The following HERC2 variants were observed in gnomAD, a reference collection of about 807,000 sequenced individuals.
HERC2 encodes the protein HECT and RLD domain containing E3 ubiquitin protein ligase 2, also known as E3 ubiquitin-protein ligase HERC2.
A neutral mutation model predicts 537.7 loss-of-function variants in HERC2; 102 were observed. The ratio of observed to expected loss-of-function variants is 0.19; its 90% CI spans 0.16 to 0.22. The LOEUF (loss-of-function observed/expected upper bound fraction) is 0.22. Ranked by LOEUF, HERC2 falls within the 10% of genes least tolerant of loss-of-function variation. HERC2 has a pLI of 1.00. For synonymous variants in HERC2, 2,224 were observed against 2,466.2 expected (o/e 0.90, Z 2.91); for missense variants, 4,236 against 6,198.2 (o/e 0.68, Z 10.63).
chr15:28,203,657 C>G (rs1302770471), intron 45 of HERC2: 1 of 151,974 alleles, frequency 6.6e-6, no homozygotes, highest in South Asian at 2.1e-4. Flanking sequence ...TAACCACAGA[C>G]GGCGCACCTT....
intron 4 of HERC2, among the ~76,000 whole-genome samples, 183 bp downstream of exon 4, chr15:28,292,705 A>T (rs1287472752): frequency 6.6e-6 from 1 of 151,952 alleles, no homozygotes; most frequent in East Asian, 1.9e-4. Flanking sequence ...ATGCCAATGA[A>T]CTCTACACAT....
chr15:28,188,430 G>A (rs1042576540), intron 55 of HERC2, among the ~76,000 whole-genome samples: 3 of 151,956 alleles, frequency 2.0e-5, no homozygotes, highest in African/African-American at 7.3e-5. Flanking sequence ...TATAGTCCCA[G>A]CTACTCGGGA....
At chr15:28,149,809 C>T (rs949673612) in intron 70 of HERC2, among the ~76,000 whole-genome samples, 40 of 151,924 alleles carry the variant, frequency 2.6e-4, no homozygotes, top group African/African-American at 8.9e-4. Flanking sequence ...AAAAAACACA[C>T]GTGACTTCTA....
chr15:28,248,525 G>A, intron 21 of HERC2, 27 bp downstream of exon 21: 1 of 1,579,838 alleles, frequency 6.3e-7, no homozygotes, highest in South Asian at 1.1e-5. Flanking sequence ...TCACATACAA[G>A]ACACTTTCAC....
In HERC2 at chr15:28,263,163, A is replaced by G; in HGVS notation, c.1877T>C (p.Val626Ala). 1 of 1,598,604 alleles carries G rather than the reference A, an allele frequency of 6.3e-7. No homozygotes were observed. The highest frequency in any genetic ancestry group is 8.6e-7 in the Non-Finnish European group (1 of 1,168,790). ...QTLAVTENGQVWSWGDGDYGK... is the reference protein window; with the variant it reads ...QTLAVTENGQAWSWGDGDYGK... ...ATAGTCACCATCTCCCCAAGACCAC[A>G]CTTGCCCTAAAAAATACAAATGCAT... Residue 626 changes from valine (V) to alanine (A), a missense_variant, in exon 15 of 93, where the codon GTG becomes GCG. Val to Ala is a moderately conservative substitution (Grantham distance 64). Around this residue, in one of 27 missense-constraint regions of HERC2, gnomAD observed 754 missense variants for 1,085.0 expected, o/e 0.69. Coordinates refer to ENST00000261609, the MANE Select transcript of HERC2 (RefSeq NM_004667.6).
Position 28,211,091 on chromosome 15 carries a change from T to C in HERC2, c.6980A>G (p.Lys2327Arg). 1 of 1,611,376 alleles carries C rather than the reference T, an allele frequency of 6.2e-7. No homozygotes were observed. Among genetic ancestry groups the C allele is most frequent in the African/African-American group, 1.3e-5 (1 of 74,930 alleles). The change falls in exon 44 of 93, where the codon AAA becomes AGA. Residue 2327 changes from lysine (K) to arginine (R), a missense_variant. Coordinates refer to ENST00000261609, the MANE Select transcript of HERC2 (RefSeq NM_004667.6). Reference sequence around the variant, plus strand: ...GTGGGAGAGCAGCGCCCGACCTGCTTTCAGGATGTATAGCTTCAACTGCTG... The same window carrying C: ...GTGGGAGAGCAGCGCCCGACCTGCTCTCAGGATGTATAGCTTCAACTGCTG... ...RCQQLKLYILKAGRALLSHQD... is the reference protein window; with the variant it reads ...RCQQLKLYILRAGRALLSHQD...
At position 28,249,593 on chromosome 15, in the gene HERC2, A is replaced by C. The variant is rs183045194; in HGVS notation, c.3051-857T>G. ...GTCAGGCTGTGGGACCAGAGTCTGCAATGCCAACCCACCAAGGTTATGATA... is the reference window on the plus strand; with the variant it reads ...GTCAGGCTGTGGGACCAGAGTCTGCCATGCCAACCCACCAAGGTTATGATA... On this transcript the variant is annotated intron_variant, in intron 20 of 92. Transcript: ENST00000261609. Among the ~76,000 whole-genome samples, 98 of 152,260 alleles carry C rather than the reference A, an allele frequency of 6.4e-4. 4 individuals are homozygous for C. In the South Asian group the frequency reaches 0.016, roughly 25 times the overall value.
intron 81 of HERC2, among the ~76,000 whole-genome samples, 189 bp from the exon 82 acceptor site, chr15:28,130,783 G>A (rs1010449166): frequency 6.6e-6 from 1 of 152,232 alleles, no homozygotes; most frequent in Admixed American, 6.5e-5. Flanking sequence ...GACCGTGACT[G>A]ACAGCACACC....
At position 28,111,126 on chromosome 15, in the gene HERC2, A is replaced by G. The variant is rs1887608262; in HGVS notation, c.*637T>C. On this transcript the variant is annotated 3_prime_UTR_variant, in exon 93 of 93. Coordinates refer to ENST00000261609, the MANE Select transcript of HERC2 (RefSeq NM_004667.6). The stretch of plus-strand genomic sequence containing the variant: ...TTATATATAGTACACTTTCCATGAT[A>G]GAAGTTATGATGCTGTTCACAGAAA... 4 of 152,496 alleles carry G rather than the reference A, an allele frequency of 2.6e-5. No homozygotes were observed. The highest frequency in any genetic ancestry group is 6.5e-5 in the Admixed American group (1 of 15,310). The allele number at this position is 152,496 out of a possible 1,614,324, so 9.4% of individuals were successfully genotyped here.
rs1890181159 is a variant in HERC2, at chr15:28,132,195, A to T, written c.12475T>A (p.Cys4159Ser). The change falls in exon 81 of 93, where the codon TGC becomes AGC. Residue 4159 changes from cysteine to serine, a missense_variant. By Grantham distance (112) the Cys-to-Ser change is moderately radical (BLOSUM62 -1). Around this residue, in one of 27 missense-constraint regions of HERC2, gnomAD observed 94 missense variants for 137.4 expected, o/e 0.68. Transcript: ENST00000261609. Reference sequence around the variant, plus strand: ...CAGACAGTGTCGTCATCTGTGAGGCAGAGGGTCTGGGCATCTCCACTGCCA... The same window carrying T: ...CAGACAGTGTCGTCATCTGTGAGGCTGAGGGTCTGGGCATCTCCACTGCCA... The part of the protein sequence containing the change: ...ACGSGDAQTL[C>S]LTDDDTVWSW... 6.2e-7 allele frequency: 1 copy of T among 1,613,968 alleles called. No individual in the cohort carries two copies. The highest frequency in any genetic ancestry group is 1.3e-5 in the African/African-American group (1 of 74,946).
At position 28,270,799 on chromosome 15, in the gene HERC2, G is replaced by A; in HGVS notation, c.1153C>T (p.Leu385Phe). 1 of 1,613,972 alleles carries A rather than the reference G, an allele frequency of 6.2e-7. No homozygotes were observed. The highest frequency in any genetic ancestry group is 8.5e-7 in the Non-Finnish European group (1 of 1,179,848). The change falls in exon 10 of 93, where the codon CTT (leucine) becomes TTT (phenylalanine). Residue 385 changes from leucine to phenylalanine, a missense_variant. Around this residue, in one of 27 missense-constraint regions of HERC2, gnomAD observed 491 missense variants for 559.3 expected, o/e 0.88. Coordinates refer to ENST00000261609, the MANE Select transcript of HERC2 (RefSeq NM_004667.6). ...GCCGTTTGTCGCAGATCAATGGCAA[G>A]CTCGTTGTCTTGTGGAAGGGTGAGG... Reference protein sequence around the residue: ...RYLTLPQDNELAIDLRQTAVV... With the variant: ...RYLTLPQDNEFAIDLRQTAVV...
At chr15:28,246,088 A>G (rs1157883415) in intron 22 of HERC2, 22 bp from the exon 23 acceptor site, 3 of 1,471,890 alleles carry the variant, frequency 2.0e-6, no homozygotes, top group African/African-American at 2.9e-5. Flanking sequence ...AAATAATAAG[A>G]TTTAAATAAG....
chr15:28,274,841 G>A, intron 6 of HERC2, 64 bp downstream of exon 6: 1 of 1,306,290 alleles, frequency 7.7e-7, no homozygotes, highest in Non-Finnish European at 1.1e-6. Context: ...GCTGAACCGA[G>A]TTCGAAACCC....
chr15:28,233,884 C>A, intron 27 of HERC2, 88 bp from the exon 28 acceptor site: 2 of 1,203,278 alleles, frequency 1.7e-6, no homozygotes, highest in Non-Finnish European at 2.4e-6. Flanking sequence ...GACGCACTTG[C>A]AATCACTAAT....
intron 6 of HERC2, 40 bp downstream of exon 6, chr15:28,274,865 A>G (rs750676079): frequency 4.1e-6 from 6 of 1,479,400 alleles, no homozygotes; most frequent in South Asian, 2.3e-5. Context: ...CTGTTGATGT[A>G]TTAGGGAAGC....
Position 28,265,098 on chromosome 15 carries a change from G to A in HERC2, c.1870+520C>T, listed in dbSNP as rs2075525038. ...CGCCAGAGACACACAAGATGCCAAG[G>A]ACAGACCACCACAATACTGAAAGAC... On this transcript the variant is annotated intron_variant, in intron 14 of 92. Transcript: ENST00000261609. The surrounding 1 kb of genome is among the most constrained non-coding windows in gnomAD (Gnocchi z 4.0). Among the ~76,000 whole-genome samples the A allele has an allele frequency of 6.6e-6, 1 of 152,018 alleles. No individual in the cohort carries two copies. The highest frequency in any genetic ancestry group is 1.9e-4 in the East Asian group (1 of 5,174).
At chr15:28,162,137 C>T (rs905612415) in intron 69 of HERC2, among the ~76,000 whole-genome samples, 1 of 151,992 alleles carries the variant, frequency 6.6e-6, no homozygotes, top group African/African-American at 2.4e-5. Flanking sequence ...CCAGACCAGC[C>T]GGGCCAACAT....
chr15:28,259,784 A>C (rs1270285152), intron 16 of HERC2, among the ~76,000 whole-genome samples: 1 of 150,826 alleles, frequency 6.6e-6, no homozygotes, highest in Non-Finnish European at 1.5e-5. Context: ...GTGAAACCCC[A>C]TCTCCACTAA....
chr15:28,113,352 G>T lies in HERC2; in HGVS notation c.14020-69C>A, dbSNP rs1887862037. ...TGGCATTTCCGCAAGACTCCGTCAC[G>T]CTCCCTCTCTACACCAAGGCCTGTT... is the stretch of plus-strand genomic sequence containing the variant. On this transcript the variant is annotated intron_variant, in intron 91 of 92. Transcript: ENST00000261609. This position sits in a 1 kb window ranked among gnomAD's most constrained non-coding sequence, Gnocchi z 7.0. The T allele has an allele frequency of 6.7e-7, 1 of 1,490,672 alleles. No homozygotes were observed. The highest frequency in any genetic ancestry group is 9.3e-7 in the Non-Finnish European group (1 of 1,076,436). 92.3% of individuals were successfully genotyped at this position (1,490,672 alleles called of 1,614,324 possible).
Sources: allele counts gnomAD v4.1 joint callset (sites outside exome capture counted in the v4.1 genomes callset), GRCh38; gene constraint gnomAD v4.1.1; regional missense constraint gnomAD v4.1.1; non-coding constraint Gnocchi (gnomAD v3.1); transcripts MANE v1.5; gene names NCBI Gene and HGNC (gene_info 2026-07-23, HGNC 2026-07-21).